The following GSG1 variants were observed in gnomAD, a reference collection of about 807,000 sequenced individuals.
GSG1 encodes the protein germ cell associated 1.
GSG1 carries 28 observed loss-of-function variants against 30.8 expected under a neutral mutation model. That is an observed-to-expected ratio of 0.91 (90% confidence interval 0.67 to 1.25). The LOEUF (loss-of-function observed/expected upper bound fraction) is 1.25. Among genes scored for constraint, GSG1 ranks in the 50% most tolerant of loss-of-function variants. The pLI, the probability that GSG1 is intolerant of heterozygous loss-of-function variation, is 0.00. For missense variants in GSG1, 435 were observed against 444.7 expected (o/e 0.98, Z 0.20); for synonymous variants, 162 against 178.0 (o/e 0.91, Z 0.71).
intron 1 of GSG1, among the ~76,000 whole-genome samples, chr12:13,099,686 G>A (rs1863004921): frequency 6.6e-6 from 1 of 151,064 alleles, no homozygotes; most frequent in South Asian, 2.1e-4. Flanking sequence ...CGGAGAGCAG[G>A]TTATATACCA....
chr12:13,099,741 T>G (rs1191834770), intron 1 of GSG1, among the ~76,000 whole-genome samples: 2 of 112,824 alleles, frequency 1.8e-5, no homozygotes, highest in African/African-American at 4.1e-5. Flanking sequence ...GGATCCGGTG[T>G]TTTTTTTTGT....
At chr12:13,087,055 G>T in intron 6 of GSG1, 97 bp downstream of exon 6, 5 of 753,948 alleles carry the variant, frequency 6.6e-6, no homozygotes, top group Non-Finnish European at 1.2e-5. Context: ...GGGATGAAGA[G>T]AAGGCAGGGC....
In GSG1 at chr12:13,100,544, T is replaced by C. The variant is rs74805539; in HGVS notation, c.48+2921A>G. On this transcript the variant is annotated intron_variant, in intron 1 of 6. Coordinates refer to ENST00000651961, the MANE Select transcript of GSG1 (RefSeq NM_001080555.4). ...AAAAACCAGTGACAGATTGGAAATG[T>C]TATGTCCTTTTCCAAGCTGGGTGGA... is the stretch of plus-strand genomic sequence containing the variant. 4.3e-4 allele frequency among the ~76,000 whole-genome samples: 66 copies of C among 152,286 alleles called. No individual in the cohort carries two copies. In the East Asian group the frequency reaches 0.013, roughly 29 times the overall value.
chr12:13,096,009 C>T (rs1416868940), intron 1 of GSG1, among the ~76,000 whole-genome samples: 4 of 152,148 alleles, frequency 2.6e-5, no homozygotes, highest in South Asian at 2.1e-4. Flanking sequence ...TTATGACAGA[C>T]GAAGATATGG....
At chr12:13,094,423 C>G (rs947079776) in intron 1 of GSG1, among the ~76,000 whole-genome samples, 2 of 152,228 alleles carry the variant, frequency 1.3e-5, no homozygotes, top group African/African-American at 4.8e-5. Flanking sequence ...CAAGAATTGT[C>G]AGTTCTTGCA....
In GSG1 at chr12:13,087,178, A is replaced by C. The variant is rs763425914; in HGVS notation, c.720T>G (p.His240Gln). Residue 240 changes from histidine to glutamine, a missense_variant, in exon 6 of 7, where the codon CAT (histidine) becomes CAG (glutamine). Transcript: ENST00000651961. Reference sequence around the variant, plus strand: ...AGAAGGCCCAGCCATAATTCCAAACATGTGGTCTCCAGTCTTCTGGACCCA... The same window carrying C: ...AGAAGGCCCAGCCATAATTCCAAACCTGTGGTCTCCAGTCTTCTGGACCCA... ...VNLGPEDWRP[H>Q]VWNYGWAFYM... The C allele has an allele frequency of 3.1e-6, 5 of 1,613,850 alleles. No homozygotes were observed. In the South Asian group the frequency reaches 5.5e-5, roughly 18 times the overall value.
At chr12:13,102,887 T>G in intron 1 of GSG1, among the ~76,000 whole-genome samples, 1 of 152,264 alleles carries the variant, frequency 6.6e-6, no homozygotes, top group East Asian at 1.9e-4. Flanking sequence ...AGAGTCTTCC[T>G]GGTCTGGAAG....
Position 13,090,493 on chromosome 12 carries a change from T to C in GSG1, c.364+10A>G, listed in dbSNP as rs552505876. ...ACCCCGTTGCTCTTATATCCCAGAA[T>C]GTAGGCTACCTGGTTCTTCCACAGT... is the stretch of plus-strand genomic sequence containing the variant. On this transcript the variant is annotated intron_variant, in intron 2 of 6. Transcript: ENST00000651961. The C allele has an allele frequency of 1.1e-5, 17 of 1,600,770 alleles. No homozygotes were observed. The African/African-American group carries it at 2.3e-4, about 21-fold the overall frequency.
At chr12:13,087,818 C>G in intron 5 of GSG1, 89 bp downstream of exon 5, 1 of 1,384,190 alleles carries the variant, frequency 7.2e-7, no homozygotes, top group East Asian at 2.4e-5. Flanking sequence ...TTGGGCTCCT[C>G]CCCTTCAGGG....
rs2120825661 is a variant in GSG1 at position 13,093,222 on chromosome 12, T to C, written c.49-2404A>G. Among the ~76,000 whole-genome samples the C allele has an allele frequency of 6.6e-6, 1 of 152,322 alleles. No individual in the cohort carries two copies. Among genetic ancestry groups the C allele is most frequent in the South Asian group, 2.1e-4 (1 of 4,830 alleles). On this transcript the variant is annotated intron_variant, in intron 1 of 6. Transcript: ENST00000651961. This position sits in a 1 kb window ranked among gnomAD's most constrained non-coding sequence, Gnocchi z 4.6. ...AGTTTTATGTAAAGTCTAAACTTTA[T>C]ATAAAAGTTTAGAAAAAAGAATTGG...
chr12:13,085,311 C>T (rs1865417246), intron 6 of GSG1, 68 bp from the exon 7 acceptor site: 1 of 1,408,448 alleles, frequency 7.1e-7, no homozygotes, highest in Non-Finnish European at 9.7e-7. Flanking sequence ...AATGCCATGA[C>T]CTCTTCCTAC....
At position 13,089,231 on chromosome 12, in the gene GSG1, G is replaced by C; in HGVS notation, c.410C>G (p.Ser137Cys). Residue 137 changes from serine to cysteine, a missense_variant, in exon 3 of 7, where the codon TCC becomes TGC. Physicochemically the swap from Ser to Cys is moderately radical, Grantham distance 112. Transcript: ENST00000651961. ...ACCTTTTGCTGCCGCTGTACCACTG[G>C]ACCGAAGGGCTCTAAATTGTTTCCA... ...QSWKQFRALR[S>C]SGTAAAKGER... 6.4e-7 allele frequency: 1 copy of C among 1,558,884 alleles called. No homozygotes were observed. The highest frequency in any genetic ancestry group is 8.7e-7 in the Non-Finnish European group (1 of 1,150,846).
chr12:13,088,132 T>C, intron 4 of GSG1, 73 bp from the exon 5 acceptor site: 1 of 1,555,850 alleles, frequency 6.4e-7, no homozygotes, highest in Non-Finnish European at 8.8e-7. Flanking sequence ...GAGCATAGGA[T>C]GCCTATTAGG....
intron 1 of GSG1, among the ~76,000 whole-genome samples, chr12:13,098,528 C>T (rs1032944244): frequency 3.3e-5 from 4 of 121,858 alleles, no homozygotes; most frequent in Admixed American, 2.1e-4. Context: ...CTCAGTAGAT[C>T]CTCAAATACT....
At position 13,084,892 on chromosome 12, in the gene GSG1, G is replaced by A. The variant is rs570562453; in HGVS notation, c.*9C>T. ...GGGCTCAAGCCTACTCCCCAAACCC[G>A]CTTAACTCCTAACACTGCTCTTCCT... is the stretch of plus-strand genomic sequence containing the variant. On this transcript the variant is annotated 3_prime_UTR_variant, in exon 7 of 7. Transcript: ENST00000651961. 4.7e-5 allele frequency: 72 copies of A among 1,529,280 alleles called. No homozygotes were observed. The highest frequency in any genetic ancestry group is 9.8e-5 in the East Asian group (4 of 40,656). The allele number at this position is 1,529,280 out of a possible 1,614,324, so 94.7% of individuals were successfully genotyped here. A position where few individuals can be genotyped will look rare whatever the true frequency, so the allele number is the denominator to read the frequency against.
intron 1 of GSG1, among the ~76,000 whole-genome samples, chr12:13,100,836 T>C (rs1863141120): frequency 6.6e-6 from 1 of 152,122 alleles, no homozygotes; most frequent in Admixed American, 6.5e-5. Flanking sequence ...GTAACCACGT[T>C]TAAGGGGCCA....
At chr12:13,091,634 G>T (rs901420506) in intron 1 of GSG1, among the ~76,000 whole-genome samples, 1 of 152,236 alleles carries the variant, frequency 6.6e-6, no homozygotes, top group Non-Finnish European at 1.5e-5. Context: ...AGCCCAGGAG[G>T]TTGAGGCTGC....
Position 13,103,635 on chromosome 12 carries a change from AGGT to A in GSG1, c.-126_-124del. On this transcript the variant is annotated 5_prime_UTR_variant, in exon 1 of 7. Coordinates refer to ENST00000651961, the MANE Select transcript of GSG1 (RefSeq NM_001080555.4). Reference sequence around the variant, plus strand: ...GTCCCCTCTTGCCAGCAGAGGGGTAAGGTGGTGTGTGGTGGATTGGAGAGGATG... The same window carrying A: ...GTCCCCTCTTGCCAGCAGAGGGGTAAGGTGTGTGGTGGATTGGAGAGGATG... The A allele has an allele frequency of 9.5e-7, 1 of 1,056,922 alleles. No individual in the cohort carries two copies. The highest frequency in any genetic ancestry group is 1.4e-5 in the South Asian group (1 of 72,580). 65.5% of individuals were successfully genotyped at this position (1,056,922 alleles called of 1,614,324 possible). A position where few individuals can be genotyped will look rare whatever the true frequency, so the allele number is the denominator to read the frequency against.
Position 13,087,896 on chromosome 12 carries a change from G to C in GSG1, c.634+11C>G, listed in dbSNP as rs1865689133. 6.2e-7 allele frequency: 1 copy of C among 1,613,014 alleles called. No individual in the cohort carries two copies. Among genetic ancestry groups the C allele is most frequent in the African/African-American group, 1.3e-5 (1 of 74,896 alleles). On this transcript the variant is annotated intron_variant, in intron 5 of 6. Coordinates refer to ENST00000651961, the MANE Select transcript of GSG1 (RefSeq NM_001080555.4). ...GGCCAACCACCCTCTCTCACTCCAG[G>C]AGCAACTCACCTGACAGGACAGAGG...
Sources: gnomAD v4.1 joint callset for allele counts (sites outside exome capture counted in the v4.1 genomes callset) on GRCh38, gnomAD v4.1.1 for gene constraint, Gnocchi (gnomAD v3.1) non-coding constraint, MANE v1.5 for transcripts, NCBI Gene and HGNC (gene_info 2026-07-23, HGNC 2026-07-21) for gene names.